The following RSPH14 variants were observed in gnomAD, a reference collection of about 807,000 sequenced individuals.
RSPH14 encodes the protein rhabdoid tumor deletion region gene 1.
A neutral mutation model predicts 26.7 loss-of-function variants in RSPH14; 20 were observed. That is an observed-to-expected ratio of 0.75 (90% CI 0.53 to 1.09). RSPH14 has a LOEUF of 1.09. RSPH14 is among the 50% of genes least tolerant of loss of function. The pLI is 0.00. For synonymous variants in RSPH14, 177 were observed against 189.3 expected, an observed-to-expected ratio of 0.93 and a Z score of 0.53; for missense variants, 449 against 457.2, an observed-to-expected ratio of 0.98 and a Z score of 0.16.
chr22:23,172,926 G>C, the RSPH14 span, among the ~76,000 whole-genome samples: 1 of 151,532 alleles, frequency 6.6e-6, no homozygotes, highest in African/African-American at 2.4e-5. Context: ...CTCCAGCCTG[G>C]GGTACAGAAC....
upstream of RSPH14, chr22:23,142,052 G>A: frequency 1.0e-6 from 1 of 985,414 alleles, no homozygotes; most frequent in African/African-American, 1.7e-5. Context: ...CGTCCGCGGC[G>A]CCGCGGTCGA....
intron 4 of RSPH14, among the ~76,000 whole-genome samples, chr22:23,116,755 G>C (rs1467968729): frequency 6.6e-6 from 1 of 152,232 alleles, no homozygotes; most frequent in Non-Finnish European, 1.5e-5. Flanking sequence ...GATGTCATTA[G>C]CTGGAAAGCC....
Position 23,059,537 on chromosome 22 carries a change from G to GT in RSPH14, c.971dup (p.Tyr324Ter). 1 of 1,614,174 alleles carries GT rather than the reference G, an allele frequency of 6.2e-7. No individual in the cohort carries two copies. The highest frequency in any genetic ancestry group is 8.5e-7 in the Non-Finnish European group (1 of 1,180,012). The change falls in exon 7 of 7, where the codon TAC (tyrosine) becomes TAAC (stop). Residue 324 changes from tyrosine (Y) to a stop codon, truncating the protein, a stop_gained and frameshift_variant. Transcript: ENST00000216036. LOFTEE classifies it high-confidence loss of function. Reference protein sequence around the residue: ...PTFRAMEVETYEKPQVAEALQ... With the variant: ...PTFRAMEVET ...AGGCTTCGGCCACTTGAGGCTTTTC[G>GT]TAAGTCTCCACCTCCATGGCACGGA...
chr22:23,112,298 C>T lies in RSPH14; in HGVS notation c.421+21728G>A, dbSNP rs2283801. ...TCTCTGGAGGAAGCAGAAGAGGCAT[C>T]CTTCGGCCCCGCCCCAAGCACACCA... On this transcript the variant is annotated intron_variant, in intron 4 of 6. Transcript: ENST00000216036. Among the ~76,000 whole-genome samples, 36 of 152,358 alleles carry T rather than the reference C, an allele frequency of 2.4e-4. 1 individual carries two copies. In the East Asian group the frequency reaches 6.8e-3, roughly 29 times the overall value.
At chr22:23,070,718 CAG>C (rs1000369440) in intron 4 of RSPH14, 2 of 152,228 alleles carry the variant, frequency 1.3e-5, no homozygotes, top group African/African-American at 4.8e-5. Context: ...GGATGCCCCT[CAG>C]GGGTGGGGGA....
chr22:23,119,560 C>A (rs2146391906), intron 4 of RSPH14, among the ~76,000 whole-genome samples: 1 of 152,356 alleles, frequency 6.6e-6, no homozygotes, highest in East Asian at 1.9e-4. Flanking sequence ...CCATGCTGGG[C>A]CCTCTGACCT....
chr22:23,130,121 AAGAAAGAAAGAAAGAAAG>A (rs2070305407), intron 4 of RSPH14, among the ~76,000 whole-genome samples: 1 of 112,482 alleles, frequency 8.9e-6, no homozygotes, highest in African/African-American at 3.2e-5. Context: ...GAAAGAAAGA[AAGAAAGAAAGAAAGAAAG>A]AAAGAAAGAA....
At chr22:23,103,233 G>A (rs563307028) in intron 4 of RSPH14, among the ~76,000 whole-genome samples, 112 of 152,276 alleles carry the variant, frequency 7.4e-4, no homozygotes, top group African/African-American at 2.4e-3. Flanking sequence ...CAGCCAGGTA[G>A]GAGTAATCAC....
the RSPH14 span, among the ~76,000 whole-genome samples, chr22:23,172,909 C>T: frequency 1.3e-5 from 2 of 151,454 alleles, no homozygotes; most frequent in Non-Finnish European, 2.9e-5. Flanking sequence ...GAGATCGCCC[C>T]ACTGCACTCC....
chr22:23,151,701 A>T, the RSPH14 span, among the ~76,000 whole-genome samples: 1 of 152,172 alleles, frequency 6.6e-6, no homozygotes, highest in South Asian at 2.1e-4. Context: ...CCTGGGCAAC[A>T]CAGCGAGACC....
the RSPH14 span, among the ~76,000 whole-genome samples, chr22:23,158,541 G>A: frequency 5.9e-5 from 9 of 152,186 alleles, no homozygotes; most frequent in East Asian, 1.5e-3. Context: ...ACCTTACCTT[G>A]GTCTGGGGCA....
chr22:23,079,398 G>A (rs1476937036), intron 4 of RSPH14, among the ~76,000 whole-genome samples: 3 of 152,302 alleles, frequency 2.0e-5, no homozygotes, highest in South Asian at 4.1e-4. Context: ...CAGTGCACAG[G>A]CCCTGAGTTA....
In RSPH14 at chr22:23,071,394, A is replaced by G. The variant is rs1025090032; in HGVS notation, c.422-7261T>C. Among the ~76,000 whole-genome samples, 2 of 152,190 alleles carry G rather than the reference A, an allele frequency of 1.3e-5. No individual in the cohort carries two copies. Among genetic ancestry groups the G allele is most frequent in the Non-Finnish European group, 2.9e-5 (2 of 68,036 alleles). ...CAAGAGGATGATGCCAAGCGAGACC[A>G]GCGTTCCGCGTAGTCCGTGTTGGGG... On this transcript the variant is annotated intron_variant, in intron 4 of 6. Coordinates refer to ENST00000216036, the MANE Select transcript of RSPH14 (RefSeq NM_014433.3). This position sits in a 1 kb window ranked among gnomAD's most constrained non-coding sequence, Gnocchi z 4.1.
intron 4 of RSPH14, among the ~76,000 whole-genome samples, chr22:23,114,397 A>C (rs900816948): frequency 6.6e-6 from 1 of 152,000 alleles, no homozygotes; most frequent in Middle Eastern, 3.4e-3. Context: ...CCCCGGCCCC[A>C]CCCTTCCCAG....
chr22:23,176,033 C>G, the RSPH14 span, among the ~76,000 whole-genome samples: 1 of 152,348 alleles, frequency 6.6e-6, no homozygotes, highest in Non-Finnish European at 1.5e-5. Context: ...GGGAGAGTCT[C>G]CAGCCCCGTG....
chr22:23,159,041 T>C, the RSPH14 span: 1 of 1,587,388 alleles, frequency 6.3e-7, no homozygotes, highest in Non-Finnish European at 8.6e-7. Flanking sequence ...CTTACAGCCC[T>C]CATTGGAGGA....
At chr22:23,088,996 T>C (rs920729709) in intron 4 of RSPH14, among the ~76,000 whole-genome samples, 2 of 152,184 alleles carry the variant, frequency 1.3e-5, no homozygotes, top group African/African-American at 4.8e-5. Flanking sequence ...ACTATCTCCC[T>C]GGGGGCAGGG....
rs1384156226 is a variant in RSPH14, at chr22:23,063,342, TTCGGTGACCAGCCTGTCC to T, written c.653+542_653+559del. Among the ~76,000 whole-genome samples the T allele has an allele frequency of 3.3e-5, 5 of 152,262 alleles. No individual in the cohort carries two copies. In the East Asian group the frequency reaches 9.6e-4, roughly 29 times the overall value. On this transcript the variant is annotated intron_variant, in intron 5 of 6. Transcript: ENST00000216036. Reference sequence around the variant, plus strand: ...CACAGCTAAGGCAGAGACTCTGGGGTTCGGTGACCAGCCTGTCCTCGTGAAAAGGGGCCCAGTGTGAGA... The same window carrying T: ...CACAGCTAAGGCAGAGACTCTGGGGTTCGTGAAAAGGGGCCCAGTGTGAGA...
intron 4 of RSPH14, chr22:23,096,071 G>T (rs1199757798): frequency 1.2e-6 from 2 of 1,608,370 alleles, no homozygotes; most frequent in Non-Finnish European, 1.7e-6. Context: ...CGAGCTGCTG[G>T]GTGTCATGCG....
Sources: gnomAD v4.1 joint callset for allele counts (sites outside exome capture counted in the v4.1 genomes callset) on GRCh38, gnomAD v4.1.1 for gene constraint, Gnocchi (gnomAD v3.1) non-coding constraint, MANE v1.5 for transcripts, NCBI Gene and HGNC (gene_info 2026-07-23, HGNC 2026-07-21) for gene names.